The following SLC2A5 variants were observed in gnomAD, a reference collection of about 807,000 sequenced individuals.
SLC2A5 encodes the protein solute carrier family 2 member 5, also known as solute carrier family 2, facilitated glucose transporter member 5.
In SLC2A5, 56 loss-of-function variants were observed where a neutral mutation model predicts 50.3. That is an observed-to-expected ratio of 1.11 (90% confidence interval 0.90 to 1.39). The LOEUF (loss-of-function observed/expected upper bound fraction) is 1.39. Ranked by LOEUF, SLC2A5 falls within the 40% of genes most tolerant of loss-of-function variation. SLC2A5 has a pLI of 0.00. For synonymous variants in SLC2A5, 269 were observed against 281.9 expected (o/e 0.95, Z 0.46); for missense variants, 566 against 650.1 (o/e 0.87, Z 1.41).
chr1:9,082,396 A>G (rs1642364624), intron 2 of SLC2A5, among the ~76,000 whole-genome samples: 1 of 152,206 alleles, frequency 6.6e-6, no homozygotes, highest in African/African-American at 2.4e-5. Flanking sequence ...TGTGGCACAT[A>G]CACAATGGAA....
Position 9,040,380 on chromosome 1 carries a change from G to A in SLC2A5, c.572-191C>T. 1 of 660,940 alleles carries A rather than the reference G, an allele frequency of 1.5e-6. No homozygotes were observed. Among genetic ancestry groups the A allele is most frequent in the Non-Finnish European group, 2.5e-6 (1 of 395,082 alleles). 40.9% of individuals were successfully genotyped at this position (660,940 alleles called of 1,614,324 possible). ...AACACCTGCAGCAGGGATCAGCAGC[G>A]ACGCACCCCTGCGCCCATCAGACAG... is the stretch of plus-strand genomic sequence containing the variant. On this transcript the variant is annotated intron_variant, in intron 5 of 11. Coordinates refer to ENST00000377424, the MANE Select transcript of SLC2A5 (RefSeq NM_003039.3). The surrounding 1 kb of genome is among the most constrained non-coding windows in gnomAD (Gnocchi z 4.3).
In SLC2A5 at chr1:9,079,826, T is replaced by C. The variant is rs992930486; in HGVS notation, c.-59+5188A>G. Among the ~76,000 whole-genome samples the C allele has an allele frequency of 5.3e-5, 8 of 152,204 alleles. No individual in the cohort carries two copies. The South Asian group carries it at 6.2e-4, about 12-fold the overall frequency. ...TAAAAACATCATAACATAAAACTTA[T>C]CATTTTAACTGTACATTTTTAAATA... On this transcript the variant is annotated intron_variant, in intron 2 of 5. Coordinates refer to the SLC2A5 transcript ENST00000464985.
At chr1:9,086,531 G>A (rs2124487067) in intron 1 of SLC2A5, among the ~76,000 whole-genome samples, 1 of 152,170 alleles carries the variant, frequency 6.6e-6, no homozygotes, top group African/African-American at 2.4e-5. Flanking sequence ...TAGGATTACA[G>A]GCATGCACCA....
Position 9,040,135 on chromosome 1 carries a change from A to G in SLC2A5, c.626T>C (p.Leu209Pro). ...GGGGCTCTCGGGGAAGAAGGGCAGC[A>G]GAAGGAGCTGCAGCGCCGCGGGGAC... ...TGVPAALQLL[L>P]LPFFPESPRY... The change falls in exon 6 of 12, where the codon CTG (leucine) becomes CCG (proline). Residue 209 changes from leucine to proline, a missense_variant. Leu to Pro is a moderately conservative substitution (Grantham distance 98, BLOSUM62 -3). Transcript: ENST00000377424. This position sits in a 1 kb window ranked among gnomAD's most constrained non-coding sequence, Gnocchi z 4.3. The G allele has an allele frequency of 6.3e-7, 1 of 1,591,978 alleles. No individual in the cohort carries two copies. Among genetic ancestry groups the G allele is most frequent in the Non-Finnish European group, 8.5e-7 (1 of 1,169,608 alleles).
chr1:9,078,119 A>G (rs114808171), intron 2 of SLC2A5, among the ~76,000 whole-genome samples: 2 of 152,262 alleles, frequency 1.3e-5, no homozygotes, highest in Non-Finnish European at 2.9e-5. Context: ...TTTAGGCCAT[A>G]TAGGGTAACT....
intron 4 of SLC2A5, among the ~76,000 whole-genome samples, chr1:9,046,766 TATTG>T (rs989890243): frequency 2.0e-5 from 3 of 152,080 alleles, no homozygotes; most frequent in Non-Finnish European, 4.4e-5. Context: ...CCATTTTATT[TATTG>T]ATTTATATAT....
intron 2 of SLC2A5, among the ~76,000 whole-genome samples, chr1:9,078,798 G>A (rs536371030): frequency 3.9e-5 from 6 of 152,208 alleles, no homozygotes; most frequent in East Asian, 3.9e-4. Flanking sequence ...TCCCACTCAC[G>A]TCTCTCTGGG....
Position 9,037,572 on chromosome 1 carries a change from CT to C in SLC2A5, c.*13del, listed in dbSNP as rs1557659383. 6.2e-7 allele frequency: 1 copy of C among 1,612,628 alleles called. No homozygotes were observed. Among genetic ancestry groups the C allele is most frequent in the Admixed American group, 1.7e-5 (1 of 60,014 alleles). On this transcript the variant is annotated 3_prime_UTR_variant, in exon 12 of 12. Transcript: ENST00000377424. ...GCCCCTGGCAGACCAGCTCCACTGG[CT>C]TCCTCTCCAGAGTCACTGTTCCGAA...
At chr1:9,065,800 C>A (rs1027584941) in intron 1 of SLC2A5, among the ~76,000 whole-genome samples, 4 of 152,064 alleles carry the variant, frequency 2.6e-5, no homozygotes, top group African/African-American at 9.7e-5. Context: ...GAGTTTGAGA[C>A]CAGCCTGGGC....
upstream of SLC2A5, among the ~76,000 whole-genome samples, chr1:9,093,109 G>A (rs913101391): frequency 1.3e-5 from 2 of 151,810 alleles, no homozygotes; most frequent in Non-Finnish European, 2.9e-5. Context: ...TTGGGAATAC[G>A]CCGACAAATA....
intron 5 of SLC2A5, 133 bp downstream of exon 5, chr1:9,041,652 A>G (rs760993400): frequency 6.5e-7 from 1 of 1,539,480 alleles, no homozygotes; most frequent in South Asian, 1.3e-5. Context: ...TGGGCCCCCC[A>G]AGGACATCCA....
At chr1:9,056,346 G>A (rs1222291969) in intron 3 of SLC2A5, among the ~76,000 whole-genome samples, 3 of 151,958 alleles carry the variant, frequency 2.0e-5, no homozygotes, top group Non-Finnish European at 4.4e-5. Context: ...CACCATGCCC[G>A]GCTAATTTTT....
chr1:9,046,665 CGTGTGTGTGTGTGTGT>C (rs55827239), intron 4 of SLC2A5, among the ~76,000 whole-genome samples: 2 of 147,236 alleles, frequency 1.4e-5, no homozygotes, highest in East Asian at 2.0e-4. Flanking sequence ...ACCTGGTTCT[CGTGTGTGTGTGTGTGT>C]GTGTGTGTGT....
rs1641313547 is a variant in SLC2A5 at position 9,041,874 on chromosome 1, G to GC, written c.481dup (p.Ala161GlyfsTer95). 5 of 1,613,840 alleles carry GC rather than the reference G, an allele frequency of 3.1e-6. No homozygotes were observed. The highest frequency in any genetic ancestry group is 3.3e-5 in the Admixed American group (2 of 59,994). The stretch of plus-strand genomic sequence containing the variant: ...GAAGAGCTGGGGCACCACCCCGAGA[G>GC]CCCCCCGCAGGTTTTTAGGGGCCAG... On this transcript the variant is annotated frameshift_variant, in exon 5 of 12. Transcript: ENST00000377424. LOFTEE classifies it high-confidence loss of function.
intron 1 of SLC2A5, among the ~76,000 whole-genome samples, chr1:9,065,811 A>T (rs531931107): frequency 2.0e-5 from 3 of 152,264 alleles, no homozygotes; most frequent in African/African-American, 7.2e-5. Context: ...CAGCCTGGGC[A>T]ACATAGTGAG....
intron 10 of SLC2A5, 102 bp from the exon 11 acceptor site, chr1:9,038,126 G>A (rs578195979): frequency 2.2e-4 from 311 of 1,383,778 alleles, no homozygotes; most frequent in Non-Finnish European, 7.7e-5. Flanking sequence ...GGACAGAGGC[G>A]TCTCCAGGAC....
At chr1:9,092,906 A>G (rs1290640161), upstream of SLC2A5, among the ~76,000 whole-genome samples, 1 of 152,172 alleles carries the variant, frequency 6.6e-6, no homozygotes, top group Non-Finnish European at 1.5e-5. Flanking sequence ...CTCCAGACAC[A>G]TAAAGACTGG....
chr1:9,073,969 A>C (rs1642253713), upstream of SLC2A5, among the ~76,000 whole-genome samples: 3 of 151,998 alleles, frequency 2.0e-5, no homozygotes, highest in African/African-American at 7.3e-5. Context: ...AACCCCACCT[A>C]CTCAGGAGGC....
chr1:9,081,551 T>C (rs1420176341), intron 2 of SLC2A5, among the ~76,000 whole-genome samples: 2 of 150,240 alleles, frequency 1.3e-5, no homozygotes, highest in African/African-American at 2.4e-5. Flanking sequence ...AAGGGTCTGG[T>C]ATCCAGAATA....
Sources: gnomAD v4.1 joint callset for allele counts (sites outside exome capture counted in the v4.1 genomes callset) on GRCh38, gnomAD v4.1.1 for gene constraint, Gnocchi (gnomAD v3.1) non-coding constraint, MANE v1.5 for transcripts, NCBI Gene and HGNC (gene_info 2026-07-23, HGNC 2026-07-21) for gene names.